The following CADM2 variants were observed in gnomAD, a reference collection of about 807,000 sequenced individuals.
CADM2 encodes the protein immunoglobulin superfamily member 4D.
Under a neutral mutation model 49.8 loss-of-function variants are expected in CADM2, and 12 were observed. The ratio of observed to expected loss-of-function variants is 0.24; its 90% confidence interval spans 0.15 to 0.39. The LOEUF (loss-of-function observed/expected upper bound fraction) is 0.39. CADM2 is among the 10% of genes least tolerant of loss of function. The pLI, the probability that CADM2 is intolerant of heterozygous loss-of-function variation, is 1.00. For missense variants in CADM2, 378 were observed against 492.3 expected (o/e 0.77, Z 2.20); for synonymous variants, 214 against 175.4 (o/e 1.22, Z -1.74).
intron 1 of CADM2, among the ~76,000 whole-genome samples, chr3:85,265,355 T>C (rs1453287353): frequency 1.3e-5 from 2 of 151,968 alleles, no homozygotes; most frequent in Non-Finnish European, 2.9e-5. Flanking sequence ...CAAAGAGTAA[T>C]TTATAAAAGA....
At chr3:85,838,690 G>T (rs1350358657) in intron 3 of CADM2, among the ~76,000 whole-genome samples, 2 of 151,470 alleles carry the variant, frequency 1.3e-5, no homozygotes, top group Admixed American at 1.3e-4. Flanking sequence ...AAAATCATCA[G>T]ATATTTAACT....
At chr3:85,857,559 C>A (rs2108311467) in intron 3 of CADM2, among the ~76,000 whole-genome samples, 1 of 152,176 alleles carries the variant, frequency 6.6e-6, no homozygotes, top group Admixed American at 6.5e-5. Context: ...CTCACTGTAT[C>A]CTGGAACACC....
chr3:85,691,702 A>G (rs1440185286), intron 1 of CADM2, among the ~76,000 whole-genome samples: 1 of 152,156 alleles, frequency 6.6e-6, no homozygotes, highest in Non-Finnish European at 1.5e-5. Context: ...ACTATTCACA[A>G]TAGCAAAGAC....
At chr3:85,820,153 A>G (rs1474854303) in intron 3 of CADM2, among the ~76,000 whole-genome samples, 1 of 152,106 alleles carries the variant, frequency 6.6e-6, no homozygotes, top group Admixed American at 6.6e-5. Context: ...ACCAAAGTGG[A>G]TAAGAAGAAT....
At chr3:85,165,397 G>A (rs747386614) in intron 1 of CADM2, among the ~76,000 whole-genome samples, 8 of 151,796 alleles carry the variant, frequency 5.3e-5, no homozygotes, top group South Asian at 4.1e-4. Context: ...ACTTAAGAAC[G>A]CACTTAAAAA....
At chr3:85,755,263 A>C (rs2069057717) in intron 2 of CADM2, among the ~76,000 whole-genome samples, 1 of 152,140 alleles carries the variant, frequency 6.6e-6, no homozygotes, top group Non-Finnish European at 1.5e-5. Flanking sequence ...AGGTTGGAAA[A>C]TGTGTTAGAA....
chr3:85,491,586 A>G (rs1576648857), intron 1 of CADM2, among the ~76,000 whole-genome samples: 1 of 152,140 alleles, frequency 6.6e-6, no homozygotes, highest in African/African-American at 2.4e-5. Flanking sequence ...AAGCATAATT[A>G]TGAGTACTTT....
At chr3:85,492,715 G>T (rs142697718) in intron 1 of CADM2, among the ~76,000 whole-genome samples, 6 of 152,196 alleles carry the variant, frequency 3.9e-5, no homozygotes, top group Non-Finnish European at 2.9e-5. Context: ...ATTTATCATT[G>T]AAAATCATAT....
intron 1 of CADM2, among the ~76,000 whole-genome samples, chr3:85,600,518 T>C (rs138096331): frequency 1.7e-3 from 257 of 152,048 alleles, no homozygotes; most frequent in African/African-American, 5.9e-3. Flanking sequence ...ATAGCAAGAA[T>C]GTTTATGTCT....
At chr3:85,724,916 T>C (rs2067635310) in intron 1 of CADM2, among the ~76,000 whole-genome samples, 1 of 151,934 alleles carries the variant, frequency 6.6e-6, no homozygotes, top group South Asian at 2.1e-4. Context: ...AGTTTTGATA[T>C]TAAATATTTT....
At chr3:85,257,839 A>G (rs539127469) in intron 1 of CADM2, among the ~76,000 whole-genome samples, 1 of 152,262 alleles carries the variant, frequency 6.6e-6, no homozygotes, top group Non-Finnish European at 1.5e-5. Context: ...ATGTAGTTTC[A>G]TAGTGACACA....
chr3:85,805,868 C>T (rs2072379302), intron 3 of CADM2, among the ~76,000 whole-genome samples: 1 of 152,318 alleles, frequency 6.6e-6, no homozygotes, highest in East Asian at 1.9e-4. Context: ...CCATCTCCTG[C>T]AGGTGGCTGC....
At chr3:84,997,790 G>T (rs146281787) in intron 1 of CADM2, among the ~76,000 whole-genome samples, 3,379 of 152,082 alleles carry the variant, frequency 0.022, 54 homozygotes, top group Non-Finnish European at 0.034. Context: ...AGAATGAATT[G>T]GGTGATTATG....
chr3:85,766,703 G>T (rs2069672596), intron 2 of CADM2, among the ~76,000 whole-genome samples: 1 of 152,128 alleles, frequency 6.6e-6, no homozygotes, highest in Non-Finnish European at 1.5e-5. Flanking sequence ...TTCCTGAAAT[G>T]CTTCTGATAT....
At chr3:84,961,073 G>C (rs1043778005) in intron 1 of CADM2, among the ~76,000 whole-genome samples, 1 of 152,068 alleles carries the variant, frequency 6.6e-6, no homozygotes, top group Non-Finnish European at 1.5e-5. Context: ...TGCAGGAAAG[G>C]TAAGTTGATC....
intron 1 of CADM2, among the ~76,000 whole-genome samples, chr3:85,107,625 C>CTT (rs2038288866): frequency 2.9e-5 from 4 of 135,914 alleles, no homozygotes; most frequent in South Asian, 2.5e-4. Flanking sequence ...TTCTTTCTTT[C>CTT]TTTCTTTTTC....
At chr3:85,866,142 T>A (rs916219650) in intron 3 of CADM2, among the ~76,000 whole-genome samples, 6 of 151,876 alleles carry the variant, frequency 4.0e-5, no homozygotes, top group Admixed American at 6.6e-5. Context: ...TCTTAAAAAA[T>A]AATAATAATA....
chr3:85,724,765 T>C (rs1010950698), intron 1 of CADM2, among the ~76,000 whole-genome samples: 5 of 151,894 alleles, frequency 3.3e-5, no homozygotes, highest in Non-Finnish European at 5.9e-5. Context: ...GTTGCTGACA[T>C]TGGAAAGGAA....
chr3:85,882,596 T>C (rs1712979977), intron 3 of CADM2, among the ~76,000 whole-genome samples: 2 of 152,118 alleles, frequency 1.3e-5, no homozygotes, highest in Non-Finnish European at 2.9e-5. Context: ...CACACAATGA[T>C]AAACTTTTTA....
Sources: gnomAD v4.1 joint callset for allele counts (sites outside exome capture counted in the v4.1 genomes callset) on GRCh38, gnomAD v4.1.1 for gene constraint, MANE v1.5 for transcripts, NCBI Gene and HGNC (gene_info 2026-07-23, HGNC 2026-07-21) for gene names.